The following DAB1 variants were observed in gnomAD, a reference collection of about 807,000 sequenced individuals.
The protein encoded by DAB1 is DAB adaptor protein 1.
DAB1 carries 15 observed loss-of-function variants against 64.6 expected under a neutral mutation model. The observed-to-expected ratio is 0.23, with a 90% CI of 0.16 to 0.36. The LOEUF (loss-of-function observed/expected upper bound fraction) is 0.36, where lower values mean the gene tolerates loss of function less well. Among genes scored for constraint, DAB1 ranks in the 10% least tolerant of loss-of-function variants. The probability of loss-of-function intolerance (pLI) is 1.00; values close to 1 mark genes in which losing one functional copy is unlikely to be tolerated. For missense variants in DAB1, 596 were observed against 706.7 expected (o/e 0.84, Z 1.78); for synonymous variants, 235 against 251.9 (o/e 0.93, Z 0.64).
In DAB1 at chr1:58,040,289, T is replaced by A. The variant is rs191646473; in HGVS notation, n.387+110222A>T. ...TAATTTAATAACATTGCAATCCTGT[T>A]GAAAGCATGATTAAATCTTAATAAG... On this transcript the variant is annotated intron_variant and non_coding_transcript_variant, in intron 5 of 20. Transcript: ENST00000485760. Among the ~76,000 whole-genome samples, 3 of 152,310 alleles carry A rather than the reference T, an allele frequency of 2.0e-5. No homozygotes were observed. The East Asian group carries it at 5.8e-4, about 29-fold the overall frequency.
At chr1:57,414,141 G>C (rs1044301467) in intron 1 of DAB1, among the ~76,000 whole-genome samples, 14 of 152,220 alleles carry the variant, frequency 9.2e-5, no homozygotes, top group African/African-American at 3.1e-4. Context: ...CAGGGTTTGA[G>C]AGGACTGACT....
In DAB1 at chr1:58,362,932, G is replaced by A. The variant is rs1368946425; in HGVS notation, n.258-19529C>T. Among the ~76,000 whole-genome samples the A allele has an allele frequency of 3.3e-5, 5 of 152,164 alleles. No individual in the cohort carries two copies. The South Asian group carries it at 6.2e-4, about 19-fold the overall frequency. On this transcript the variant is annotated intron_variant and non_coding_transcript_variant, in intron 3 of 20. Transcript: ENST00000485760. ...AGAAATTTATTTTCTTACATTTCCGGAGGCAGAGAATCCAAGATCAAGGTC... is the reference window on the plus strand; with the variant it reads ...AGAAATTTATTTTCTTACATTTCCGAAGGCAGAGAATCCAAGATCAAGGTC...
chr1:57,811,012 G>C (rs181305420), intron 6 of DAB1, among the ~76,000 whole-genome samples: 1 of 152,122 alleles, frequency 6.6e-6, no homozygotes, highest in African/African-American at 2.4e-5. Context: ...TGGCCACATC[G>C]CTCCAATCTC....
intron 4 of DAB1, among the ~76,000 whole-genome samples, chr1:58,164,416 G>T (rs1655711324): frequency 6.6e-6 from 1 of 152,086 alleles, no homozygotes; most frequent in East Asian, 1.9e-4. Context: ...AATAGCTGAT[G>T]GTATTTCTTC....
At chr1:58,199,957 G>A (rs1219599893) in intron 4 of DAB1, among the ~76,000 whole-genome samples, 3 of 152,272 alleles carry the variant, frequency 2.0e-5, no homozygotes, top group East Asian at 1.9e-4. Context: ...CAAATGACGG[G>A]GAAAGAGAGC....
At chr1:58,087,981 C>T (rs112655585) in intron 5 of DAB1, among the ~76,000 whole-genome samples, 9 of 152,324 alleles carry the variant, frequency 5.9e-5, no homozygotes, top group East Asian at 3.9e-4. Context: ...AGGCAACATA[C>T]GGCTATTTTT....
At chr1:57,160,705 C>T (rs185354333) in intron 2 of DAB1, among the ~76,000 whole-genome samples, 3 of 152,264 alleles carry the variant, frequency 2.0e-5, no homozygotes, top group African/African-American at 7.2e-5. Flanking sequence ...CCAGGAGAAA[C>T]CTCCATTCTC....
At chr1:57,538,777 G>A (rs1404622251) in intron 7 of DAB1, among the ~76,000 whole-genome samples, 3 of 152,068 alleles carry the variant, frequency 2.0e-5, no homozygotes, top group African/African-American at 4.8e-5. Flanking sequence ...TCTATAATAT[G>A]AGGAGGGCAG....
chr1:58,494,445 G>A (rs1434876928), intron 3 of DAB1, among the ~76,000 whole-genome samples: 1 of 152,154 alleles, frequency 6.6e-6, no homozygotes, highest in Non-Finnish European at 1.5e-5. Context: ...AAGAGCTTCT[G>A]CACAGCAAAA....
At chr1:57,614,452 A>G (rs545268547) in intron 7 of DAB1, among the ~76,000 whole-genome samples, 10 of 152,362 alleles carry the variant, frequency 6.6e-5, no homozygotes, top group African/African-American at 2.4e-4. Context: ...TTGAAGCACC[A>G]CTTAATAATA....
chr1:57,840,448 T>C (rs966564285), intron 1 of DAB1, among the ~76,000 whole-genome samples: 5 of 152,186 alleles, frequency 3.3e-5, no homozygotes, highest in Non-Finnish European at 5.9e-5. Context: ...TTAGGATATA[T>C]GTTGAAAATA....
intron 1 of DAB1, among the ~76,000 whole-genome samples, chr1:57,402,227 T>A (rs1263189503): frequency 6.6e-6 from 1 of 152,186 alleles, no homozygotes; most frequent in African/African-American, 2.4e-5. Context: ...TTAAAAAAAT[T>A]GGCATAAATG....
At chr1:57,666,531 A>G (rs1646449397) in intron 6 of DAB1, among the ~76,000 whole-genome samples, 1 of 152,160 alleles carries the variant, frequency 6.6e-6, no homozygotes, top group Non-Finnish European at 1.5e-5. Context: ...TGCAACCAGT[A>G]GTCACTAATT....
chr1:57,548,810 T>C (rs1426457586), intron 7 of DAB1, among the ~76,000 whole-genome samples: 1 of 152,290 alleles, frequency 6.6e-6, no homozygotes, highest in East Asian at 1.9e-4. Context: ...TAGCATTTTC[T>C]CTTCACAGCC....
chr1:57,468,820 T>C (rs1293038713), intron 7 of DAB1, among the ~76,000 whole-genome samples: 1 of 152,210 alleles, frequency 6.6e-6, no homozygotes, highest in African/African-American at 2.4e-5. Context: ...GAATGCTGAT[T>C]TACAATTCAC....
intron 2 of DAB1, among the ~76,000 whole-genome samples, chr1:57,153,462 A>AT (rs533087214): frequency 7.9e-5 from 12 of 152,282 alleles, no homozygotes; most frequent in African/African-American, 2.6e-4. Flanking sequence ...TCTCACAATG[A>AT]TTTTTTGCAG....
chr1:57,357,608 T>G (rs553457922), intron 1 of DAB1, among the ~76,000 whole-genome samples: 1 of 151,696 alleles, frequency 6.6e-6, no homozygotes, highest in South Asian at 2.1e-4. Context: ...TGTGAATTTG[T>G]CATGCTGCTA....
Position 58,377,844 on chromosome 1 carries a change from C to T in DAB1, n.258-34441G>A, listed in dbSNP as rs1331736484. 6.4e-5 allele frequency among the ~76,000 whole-genome samples: 9 copies of T among 140,788 alleles called. 3 individuals are homozygous for T. Among genetic ancestry groups the T allele is most frequent in the Non-Finnish European group, 1.4e-4 (9 of 63,072 alleles). 92.4% of individuals were successfully genotyped at this position (140,788 alleles called of 152,430 possible). ...ATCAGACGTAGATTTGGTCTTTTCA[C>T]ATAGTCCCATATTTCTTGGAGGCTT... is the stretch of plus-strand genomic sequence containing the variant. On this transcript the variant is annotated intron_variant and non_coding_transcript_variant, in intron 3 of 20. Transcript: ENST00000485760.
At chr1:57,412,191 C>A (rs1404902969) in intron 1 of DAB1, among the ~76,000 whole-genome samples, 1 of 152,182 alleles carries the variant, frequency 6.6e-6, no homozygotes, top group Non-Finnish European at 1.5e-5. Context: ...TTTCTAACTG[C>A]TCCACTGACT....
Sources: allele counts gnomAD v4.1 joint callset (sites outside exome capture counted in the v4.1 genomes callset), GRCh38; gene constraint gnomAD v4.1.1; transcripts MANE v1.5; gene names NCBI Gene and HGNC (gene_info 2026-07-23, HGNC 2026-07-21).